The following TRPM7 variants were observed in gnomAD, a reference collection of about 807,000 sequenced individuals.
TRPM7 encodes LTRPC ion channel family member 7.
In TRPM7, 134 loss-of-function variants were observed where a neutral mutation model predicts 229.7. The ratio of observed to expected loss-of-function variants is 0.58; its 90% CI spans 0.51 to 0.67. TRPM7 has a LOEUF of 0.67. Ranked by LOEUF, TRPM7 falls within the 30% of genes least tolerant of loss-of-function variation. The pLI is 0.00. For missense variants in TRPM7, 1,901 were observed against 2,210.0 expected, an observed-to-expected ratio of 0.86 and a Z score of 2.80; for synonymous variants, 699 against 715.2, an observed-to-expected ratio of 0.98 and a Z score of 0.36.
chr15:50,610,032 A>C, intron 17 of TRPM7, 71 bp from the exon 18 acceptor site: 1 of 1,139,310 alleles, frequency 8.8e-7, no homozygotes, highest in Non-Finnish European at 1.2e-6. Flanking sequence ...AAACAAAACA[A>C]AGAATAAAAA....
At chr15:50,652,322 C>T (rs1280430710) in intron 3 of TRPM7, among the ~76,000 whole-genome samples, 1 of 97,116 alleles carries the variant, frequency 1.0e-5, no homozygotes. Context: ...GAGTGAGACT[C>T]CATCTCAAAA....
intron 1 of TRPM7, among the ~76,000 whole-genome samples, chr15:50,672,901 A>T (rs1465932013): frequency 7.6e-6 from 1 of 131,564 alleles, no homozygotes; most frequent in Non-Finnish European, 1.6e-5. Flanking sequence ...TCTGTCTCAA[A>T]AAAAAAAAAA....
intron 38 of TRPM7, 34 bp from the exon 39 acceptor site, chr15:50,561,842 A>G: frequency 6.7e-7 from 1 of 1,502,360 alleles, no homozygotes; most frequent in South Asian, 1.3e-5. Flanking sequence ...TAAAAAAAAA[A>G]AAGAAAGAGA....
chr15:50,655,792 C>G (rs946759861), intron 3 of TRPM7, among the ~76,000 whole-genome samples: 1 of 152,050 alleles, frequency 6.6e-6, no homozygotes, highest in African/African-American at 2.4e-5. Context: ...GGTCAGGAGA[C>G]CAGCCCAGCC....
chr15:50,585,859 T>C (rs968289877), intron 28 of TRPM7, among the ~76,000 whole-genome samples: 2 of 152,182 alleles, frequency 1.3e-5, no homozygotes, highest in African/African-American at 2.4e-5. Context: ...AAATTAATGG[T>C]ACAAGGCAAC....
intron 3 of TRPM7, among the ~76,000 whole-genome samples, chr15:50,649,271 G>C (rs1359379767): frequency 1.3e-5 from 2 of 151,828 alleles, no homozygotes; most frequent in East Asian, 3.9e-4. Context: ...ACCCTGACTT[G>C]ACAAAAAATT....
intron 1 of TRPM7, among the ~76,000 whole-genome samples, chr15:50,664,892 G>A (rs1216657863): frequency 6.6e-6 from 1 of 152,152 alleles, no homozygotes; most frequent in African/African-American, 2.4e-5. Flanking sequence ...TTGAGCCTGG[G>A]AGGTCAAGGC....
At chr15:50,671,439 T>TAAC (rs1284093350) in intron 1 of TRPM7, among the ~76,000 whole-genome samples, 1 of 152,192 alleles carries the variant, frequency 6.6e-6, no homozygotes, top group Non-Finnish European at 1.5e-5. Flanking sequence ...ATGTGCCACA[T>TAAC]AACAACACTG....
chr15:50,574,198 G>T, intron 36 of TRPM7, 76 bp downstream of exon 36: 1 of 1,149,108 alleles, frequency 8.7e-7, no homozygotes, highest in Non-Finnish European at 1.3e-6. Flanking sequence ...CTATAAATTA[G>T]CAGATTCTGT....
At chr15:50,633,804 A>C (rs1006700666) in intron 8 of TRPM7, among the ~76,000 whole-genome samples, 2 of 152,220 alleles carry the variant, frequency 1.3e-5, no homozygotes, top group African/African-American at 4.8e-5. Context: ...CCCAGAAATG[A>C]AACTACTACG....
At chr15:50,672,898 CAAAAA>C (rs35153596) in intron 1 of TRPM7, among the ~76,000 whole-genome samples, 212 of 26,134 alleles carry the variant, frequency 8.1e-3, no homozygotes, top group South Asian at 0.026. Context: ...GACTCTGTCT[CAAAAA>C]AAAAAAAAAA....
rs565771211 is a variant in TRPM7, at chr15:50,560,081, A to G, written c.*1597T>C. 1 of 152,106 alleles carries G rather than the reference A, an allele frequency of 6.6e-6. No homozygotes were observed. The highest frequency in any genetic ancestry group is 1.9e-4 in the East Asian group (1 of 5,188). The allele number at this position is 152,106 out of a possible 1,614,324, so 9.4% of individuals were successfully genotyped here. On this transcript the variant is annotated 3_prime_UTR_variant, in exon 39 of 39. Transcript: ENST00000646667. ...TGTGAAAATAATCAATATAAAATTAAAAATCAACAGACAGCCCATATTGCC... is the reference window on the plus strand; with the variant it reads ...TGTGAAAATAATCAATATAAAATTAGAAATCAACAGACAGCCCATATTGCC...
chr15:50,587,560 C>A (rs536857484), intron 27 of TRPM7, among the ~76,000 whole-genome samples: 2 of 152,002 alleles, frequency 1.3e-5, no homozygotes, highest in African/African-American at 2.4e-5. Context: ...ATTTTCAGCA[C>A]GTTTTTTCTT....
chr15:50,630,777 T>A (rs1489264223), intron 10 of TRPM7, among the ~76,000 whole-genome samples: 1 of 152,050 alleles, frequency 6.6e-6, no homozygotes, highest in East Asian at 1.9e-4. Flanking sequence ...GCTCAAGCAA[T>A]CCTCCCGCCT....
At chr15:50,603,315 T>G (rs74689905) in intron 21 of TRPM7, among the ~76,000 whole-genome samples, 1 of 79,870 alleles carries the variant, frequency 1.3e-5, no homozygotes, top group Non-Finnish European at 4.4e-5. Flanking sequence ...AGAAGACTGA[T>G]TTTTTTTTTT....
At chr15:50,564,592 G>C (rs556196177) in intron 38 of TRPM7, among the ~76,000 whole-genome samples, 110 of 151,762 alleles carry the variant, frequency 7.2e-4, no homozygotes, top group African/African-American at 2.6e-3. Context: ...GAACATGCAG[G>C]TTTGTTATAT....
intron 4 of TRPM7, among the ~76,000 whole-genome samples, chr15:50,646,532 C>T (rs748565165): frequency 2.0e-5 from 3 of 152,152 alleles, no homozygotes; most frequent in Non-Finnish European, 4.4e-5. Flanking sequence ...GATCCTCCTG[C>T]CTAGGCCTCC....
intron 1 of TRPM7, among the ~76,000 whole-genome samples, chr15:50,676,231 C>G (rs1423952874): frequency 6.6e-6 from 1 of 152,100 alleles, no homozygotes; most frequent in African/African-American, 2.4e-5. Context: ...CTAGATGCTG[C>G]TAGCAAAAAT....
intron 38 of TRPM7, among the ~76,000 whole-genome samples, chr15:50,568,403 T>C (rs1057377589): frequency 1.3e-5 from 2 of 151,798 alleles, no homozygotes; most frequent in South Asian, 4.1e-4. Flanking sequence ...AAAAAGCTCC[T>C]AAAAAAGAGT....
Sources: allele counts gnomAD v4.1 joint callset (sites outside exome capture counted in the v4.1 genomes callset), GRCh38; gene constraint gnomAD v4.1.1; transcripts MANE v1.5; gene names NCBI Gene and HGNC (gene_info 2026-07-23, HGNC 2026-07-21).